XIRP2: variants seen among roughly 807,000 people sequenced by gnomAD.
The protein encoded by XIRP2 is xin actin-binding repeat-containing protein 2.
XIRP2 carries 236 observed loss-of-function variants against 277.0 expected under a neutral mutation model. That is an observed-to-expected ratio of 0.85 (90% CI 0.77 to 0.95). The LOEUF (loss-of-function observed/expected upper bound fraction) is 0.95, where lower values mean the gene tolerates loss of function less well. Ranked by LOEUF, XIRP2 falls within the 40% of genes least tolerant of loss-of-function variation. The pLI, the probability that XIRP2 is intolerant of heterozygous loss-of-function variation, is 0.00. For missense variants in XIRP2, 4,640 were observed against 4,157.5 expected (o/e 1.12, Z -3.19); for synonymous variants, 1,490 against 1,416.5 (o/e 1.05, Z -1.17).
chr2:166,996,038 G>C (rs1247047155), intron 2 of XIRP2, among the ~76,000 whole-genome samples: 1 of 152,110 alleles, frequency 6.6e-6, no homozygotes, highest in Non-Finnish European at 1.5e-5. Flanking sequence ...GCATGACCAA[G>C]GTACCAATCA....
At chr2:167,240,557 A>T (rs984579455) in intron 6 of XIRP2, 107 bp from the exon 7 acceptor site, 1 of 910,864 alleles carries the variant, frequency 1.1e-6, no homozygotes, top group African/African-American at 1.7e-5. Context: ...CTCAATGTAC[A>T]CTAAAGTCTT....
At chr2:167,023,371 G>A (rs1393729679) in intron 2 of XIRP2, among the ~76,000 whole-genome samples, 2 of 151,962 alleles carry the variant, frequency 1.3e-5, no homozygotes, top group African/African-American at 2.4e-5. Context: ...TGTCAGATGA[G>A]TAGGTTGCAA....
intron 2 of XIRP2, among the ~76,000 whole-genome samples, chr2:167,083,047 G>A (rs1437729414): frequency 1.3e-5 from 2 of 152,124 alleles, no homozygotes; most frequent in African/African-American, 4.8e-5. Context: ...GTAATGCCTA[G>A]GTTTTCTTCT....
intron 2 of XIRP2, among the ~76,000 whole-genome samples, chr2:167,108,808 G>A (rs950036533): frequency 2.0e-5 from 3 of 150,908 alleles, no homozygotes; most frequent in Admixed American, 6.6e-5. Flanking sequence ...GTGTGATTAT[G>A]TGTTTCTTGG....
chr2:167,242,832 A>C lies in XIRP2; in HGVS notation c.1440A>C (p.Arg480Ser). The C allele has an allele frequency of 6.2e-7, 1 of 1,614,140 alleles. No individual in the cohort carries two copies. The highest frequency in any genetic ancestry group is 8.5e-7 in the Non-Finnish European group (1 of 1,180,002). ...CCCCTGAACTGCCCAGTCCTCCTAG[A>C]AGACTACCAGTCCCCAAAGATGTAT... ...SQSPELPSPP[R>S]RLPVPKDVYS... The change falls in exon 9 of 11, where the codon AGA becomes AGC. Residue 480 changes from arginine to serine, a missense_variant. Physicochemically the swap from Arg to Ser is moderately radical, Grantham distance 110. Coordinates refer to ENST00000409195, the MANE Select transcript of XIRP2 (RefSeq NM_152381.6).
chr2:166,913,241 G>A (rs966156958), intron 2 of XIRP2, among the ~76,000 whole-genome samples: 7 of 152,076 alleles, frequency 4.6e-5, no homozygotes, highest in Non-Finnish European at 8.8e-5. Context: ...CTTGAGCTGC[G>A]GTGGGCTCCA....
chr2:167,034,474 C>A (rs878890475), intron 2 of XIRP2, among the ~76,000 whole-genome samples: 4 of 149,288 alleles, frequency 2.7e-5, no homozygotes, highest in African/African-American at 7.4e-5. Flanking sequence ...ACACTCCAAT[C>A]AAAAGATACA....
chr2:167,126,142 C>T (rs914984403), intron 2 of XIRP2, among the ~76,000 whole-genome samples: 8 of 152,148 alleles, frequency 5.3e-5, no homozygotes, highest in African/African-American at 1.9e-4. Context: ...TCTTTCTTCA[C>T]TCACATATCT....
At chr2:167,060,988 C>A (rs1689159408) in intron 2 of XIRP2, among the ~76,000 whole-genome samples, 1 of 151,954 alleles carries the variant, frequency 6.6e-6, no homozygotes, top group Non-Finnish European at 1.5e-5. Context: ...TTGAACCTTC[C>A]TATTTATGCT....
intron 2 of XIRP2, among the ~76,000 whole-genome samples, chr2:166,934,195 C>CA (rs750753001): frequency 0.27 from 19,107 of 70,688 alleles, 1,769 homozygotes; most frequent in African/African-American, 0.33. Context: ...AAATCAACAG[C>CA]AAAAAAAAAA....
At chr2:166,901,912 G>C (rs918953620) in intron 1 of XIRP2, among the ~76,000 whole-genome samples, 1 of 152,060 alleles carries the variant, frequency 6.6e-6, no homozygotes, top group Non-Finnish European at 1.5e-5. Context: ...CTCGCATCTA[G>C]GAGGCTGAGG....
chr2:166,933,810 C>T (rs758463799), intron 2 of XIRP2, among the ~76,000 whole-genome samples: 12 of 152,032 alleles, frequency 7.9e-5, no homozygotes, highest in Non-Finnish European at 1.6e-4. Flanking sequence ...ATATTTGGGT[C>T]TTTTAAGGTT....
chr2:166,939,844 G>A (rs1333552948), intron 2 of XIRP2, among the ~76,000 whole-genome samples: 1 of 151,996 alleles, frequency 6.6e-6, no homozygotes, highest in Non-Finnish European at 1.5e-5. Context: ...TTCCCTTTGT[G>A]GGTAACCCGA....
Position 167,250,216 on chromosome 2 carries a change from T to C in XIRP2, c.8824T>C (p.Leu2942=), listed in dbSNP as rs1248192606. The C allele has an allele frequency of 6.2e-7, 1 of 1,613,540 alleles. No homozygotes were observed. The highest frequency in any genetic ancestry group is 8.5e-7 in the Non-Finnish European group (1 of 1,179,704). The part of the protein sequence containing the change: ...ESQRDDGKGA[L]NIVEFLRKRE... ...CCAGCGGGATGATGGAAAAGGTGCC[T>C]TAAATATAGTGGAATTCTTGAGAAA... The change falls in exon 9 of 11, where the codon TTA becomes CTA. Residue 2942 remains leucine (L), a synonymous_variant. Coordinates refer to ENST00000409195, the MANE Select transcript of XIRP2 (RefSeq NM_152381.6).
intron 2 of XIRP2, among the ~76,000 whole-genome samples, chr2:167,095,851 C>CTTTTTTTTTTTTTTT (rs60405920): frequency 2.1e-5 from 1 of 47,304 alleles, no homozygotes; most frequent in Non-Finnish European, 4.8e-5. Flanking sequence ...AGGCGTCACT[C>CTTTTTTTTTTTTTTT]TTTTTTTTTT....
chr2:167,114,965 T>C (rs536711451), intron 2 of XIRP2, among the ~76,000 whole-genome samples: 1 of 152,264 alleles, frequency 6.6e-6, no homozygotes, highest in East Asian at 1.9e-4. Flanking sequence ...TACCCAGTAA[T>C]GGGATGTCTG....
chr2:167,252,824 T>G (rs1357831813), intron 9 of XIRP2, among the ~76,000 whole-genome samples: 1 of 151,968 alleles, frequency 6.6e-6, no homozygotes, highest in East Asian at 1.9e-4. Flanking sequence ...TAAAAACTGC[T>G]GAAACTAATA....
At chr2:167,230,116 G>C (rs1694710422) in intron 5 of XIRP2, among the ~76,000 whole-genome samples, 1 of 152,074 alleles carries the variant, frequency 6.6e-6, no homozygotes, top group Non-Finnish European at 1.5e-5. Context: ...GTGAATATCA[G>C]TGCCCTCTAG....
intron 3 of XIRP2, among the ~76,000 whole-genome samples, chr2:167,201,284 G>A (rs1693706229): frequency 6.7e-6 from 1 of 148,830 alleles, no homozygotes; most frequent in South Asian, 2.2e-4. Context: ...AAGGAAAGAA[G>A]GAAGGAGGGA....
Sources: gnomAD v4.1 joint callset for allele counts (sites outside exome capture counted in the v4.1 genomes callset) on GRCh38, gnomAD v4.1.1 for gene constraint, MANE v1.5 for transcripts, NCBI Gene and HGNC (gene_info 2026-07-23, HGNC 2026-07-21) for gene names.